SHISA9: variants seen among roughly 807,000 people sequenced by gnomAD.
SHISA9 encodes shisa family member 9.
A neutral mutation model predicts 38.0 loss-of-function variants in SHISA9; 13 were observed. The ratio of observed to expected loss-of-function variants is 0.34; its 90% CI spans 0.22 to 0.54. The LOEUF is 0.54. Ranked by LOEUF, SHISA9 falls within the 20% of genes least tolerant of loss-of-function variation. The pLI, the probability that SHISA9 is intolerant of heterozygous loss-of-function variation, is 0.91. For synonymous variants in SHISA9, 275 were observed against 242.0 expected, an observed-to-expected ratio of 1.14 and a Z score of -1.27; for missense variants, 538 against 575.8, an observed-to-expected ratio of 0.93 and a Z score of 0.67.
chr16:13,152,874 T>G (rs1470875071), intron 2 of SHISA9, among the ~76,000 whole-genome samples: 1 of 152,192 alleles, frequency 6.6e-6, no homozygotes, highest in African/African-American at 2.4e-5. Context: ...GGAGATAAAA[T>G]TAAAGTTGCT....
chr16:13,373,343 C>G, the SHISA9 span, among the ~76,000 whole-genome samples: 1 of 152,154 alleles, frequency 6.6e-6, no homozygotes, highest in African/African-American at 2.4e-5. Flanking sequence ...CAAGAAAAAA[C>G]AAACTAGTGT....
chr16:13,368,427 C>G, the SHISA9 span, among the ~76,000 whole-genome samples: 1 of 151,994 alleles, frequency 6.6e-6, no homozygotes, highest in Non-Finnish European at 1.5e-5. Context: ...GAGGACAGGA[C>G]TTGTAACAAT....
At chr16:13,058,867 A>G (rs2073340849) in intron 2 of SHISA9, among the ~76,000 whole-genome samples, 1 of 152,000 alleles carries the variant, frequency 6.6e-6, no homozygotes, top group Admixed American at 6.6e-5. Flanking sequence ...CTCACTAACT[A>G]ACCAATAGCT....
chr16:13,121,067 G>T (rs190622109), intron 2 of SHISA9, among the ~76,000 whole-genome samples: 17 of 152,218 alleles, frequency 1.1e-4, no homozygotes, highest in African/African-American at 3.1e-4. Flanking sequence ...GCTGAGGTGC[G>T]AGTATTGCCT....
chr16:12,959,671 T>C (rs2071883735), intron 2 of SHISA9, among the ~76,000 whole-genome samples: 1 of 152,158 alleles, frequency 6.6e-6, no homozygotes. Context: ...TTCAGCTCCA[T>C]TGTGTAGAAG....
chr16:12,935,079 A>G (rs2071511914), intron 2 of SHISA9, among the ~76,000 whole-genome samples: 2 of 152,174 alleles, frequency 1.3e-5, no homozygotes, highest in South Asian at 4.1e-4. Context: ...TGATTGGTCC[A>G]TATTGAGTCA....
chr16:13,469,382 A>G, the SHISA9 span, among the ~76,000 whole-genome samples: 2 of 95,930 alleles, frequency 2.1e-5, no homozygotes. Context: ...AGAAAGAAAG[A>G]AAGAAAGAAA....
the SHISA9 span, among the ~76,000 whole-genome samples, chr16:13,557,343 A>G: frequency 6.5e-3 from 994 of 152,312 alleles, 10 homozygotes; most frequent in African/African-American, 0.021. Flanking sequence ...TTCCCATGCA[A>G]TGCATTTGTC....
intron 2 of SHISA9, among the ~76,000 whole-genome samples, chr16:13,157,705 G>A (rs1034295533): frequency 2.0e-5 from 3 of 152,140 alleles, no homozygotes; most frequent in Non-Finnish European, 2.9e-5. Flanking sequence ...CATTACCCCT[G>A]AATGACTGCC....
chr16:13,228,365 G>A (rs79466768), intron 4 of SHISA9, among the ~76,000 whole-genome samples: 6,483 of 152,318 alleles, frequency 0.043, 156 homozygotes, highest in East Asian at 0.072. Context: ...GCACGGATAT[G>A]GACAGACTTG....
At chr16:13,286,558 G>T in the SHISA9 span, among the ~76,000 whole-genome samples, 1 of 152,020 alleles carries the variant, frequency 6.6e-6, no homozygotes, top group Non-Finnish European at 1.5e-5. Flanking sequence ...TTGTTCCACA[G>T]TGATTAGAAA....
chr16:12,904,259 T>C (rs992140720), intron 1 of SHISA9, among the ~76,000 whole-genome samples: 1 of 152,014 alleles, frequency 6.6e-6, no homozygotes, highest in African/African-American at 2.4e-5. Flanking sequence ...AAAGATTGAC[T>C]CCGAGACAGG....
At chr16:13,458,785 T>G in the SHISA9 span, 7 of 186,598 alleles carry the variant, frequency 3.8e-5, no homozygotes, top group South Asian at 7.8e-4. Flanking sequence ...TCAAACTGAA[T>G]GTAAACATTT....
the SHISA9 span, among the ~76,000 whole-genome samples, chr16:13,538,675 A>G: frequency 6.6e-6 from 1 of 152,228 alleles, no homozygotes; most frequent in Non-Finnish European, 1.5e-5. Flanking sequence ...AAGCTATAAT[A>G]AATTATGGAT....
the SHISA9 span, among the ~76,000 whole-genome samples, chr16:13,299,456 G>A: frequency 1.3e-5 from 2 of 152,170 alleles, no homozygotes; most frequent in African/African-American, 4.8e-5. Context: ...GCTCATACCT[G>A]TAATCTCAGC....
chr16:13,086,079 C>T (rs1409669586), intron 2 of SHISA9, among the ~76,000 whole-genome samples: 3 of 151,986 alleles, frequency 2.0e-5, no homozygotes, highest in Non-Finnish European at 4.4e-5. Flanking sequence ...TGTCATTGGC[C>T]TGTCACAGTG....
intron 2 of SHISA9, among the ~76,000 whole-genome samples, chr16:12,934,758 C>A (rs933830687): frequency 6.6e-6 from 1 of 152,200 alleles, no homozygotes; most frequent in Non-Finnish European, 1.5e-5. Context: ...AATTTTCTTT[C>A]CTCTCCTCTC....
intron 4 of SHISA9, among the ~76,000 whole-genome samples, chr16:13,218,701 G>T (rs968549293): frequency 6.6e-6 from 1 of 152,144 alleles, no homozygotes; most frequent in Non-Finnish European, 1.5e-5. Context: ...ACGTAAAATC[G>T]CTAAACCAGT....
At chr16:13,000,186 G>A (rs1481488313) in intron 2 of SHISA9, among the ~76,000 whole-genome samples, 1 of 151,940 alleles carries the variant, frequency 6.6e-6, no homozygotes, top group African/African-American at 2.4e-5. Flanking sequence ...GGTCCCTTGA[G>A]TTCTAGCTTG....
Sources: gnomAD v4.1 joint callset for allele counts (sites outside exome capture counted in the v4.1 genomes callset) on GRCh38, gnomAD v4.1.1 for gene constraint, MANE v1.5 for transcripts, NCBI Gene and HGNC (gene_info 2026-07-23, HGNC 2026-07-21) for gene names.